TBC1D16: variants seen among roughly 807,000 people sequenced by gnomAD.
The protein encoded by TBC1D16 is TBC1 domain family member 16.
TBC1D16 carries 58 observed loss-of-function variants against 74.7 expected under a neutral mutation model. The ratio of observed to expected loss-of-function variants is 0.78; its 90% CI spans 0.63 to 0.97. The LOEUF is 0.97. Among genes scored for constraint, TBC1D16 ranks in the 50% least tolerant of loss-of-function variants. TBC1D16 has a pLI of 0.00. For missense variants in TBC1D16, 1,014 were observed against 1,079.5 expected (o/e 0.94, Z 0.85); for synonymous variants, 493 against 474.7 (o/e 1.04, Z -0.50).
At chr17:79,972,230 G>A (rs1455066179) in intron 3 of TBC1D16, among the ~76,000 whole-genome samples, 1 of 152,156 alleles carries the variant, frequency 6.6e-6, no homozygotes, top group Non-Finnish European at 1.5e-5. Flanking sequence ...AGGCTGGAGT[G>A]CAGTGGCTCA....
At chr17:79,991,576 T>G (rs1342153235) in intron 3 of TBC1D16, among the ~76,000 whole-genome samples, 1 of 151,916 alleles carries the variant, frequency 6.6e-6, no homozygotes, top group Non-Finnish European at 1.5e-5. Context: ...TGCAGGCACT[T>G]GCGAGTTAAT....
In TBC1D16 at chr17:80,010,126, T is replaced by A; in HGVS notation, c.779+34A>T. 1 of 1,555,764 alleles carries A rather than the reference T, an allele frequency of 6.4e-7. No individual in the cohort carries two copies. The highest frequency in any genetic ancestry group is 8.7e-7 in the Non-Finnish European group (1 of 1,146,260). ...CTGCCCAGGTCAGGCCTTGGGGGCCTCCCGAGAGCCCACGCCCAGAACCAG... is the reference window on the plus strand; with the variant it reads ...CTGCCCAGGTCAGGCCTTGGGGGCCACCCGAGAGCCCACGCCCAGAACCAG... On this transcript the variant is annotated intron_variant, in intron 3 of 11. Transcript: ENST00000310924. The surrounding 1 kb of genome is among the most constrained non-coding windows in gnomAD (Gnocchi z 8.8).
At chr17:79,949,613 C>A (rs1026307282) in intron 7 of TBC1D16, 104 bp downstream of exon 7, 4 of 1,407,926 alleles carry the variant, frequency 2.8e-6, no homozygotes, top group Non-Finnish European at 3.9e-6. Context: ...AACTATGGGT[C>A]ACGAAACATA....
intron 3 of TBC1D16, among the ~76,000 whole-genome samples, chr17:79,958,861 A>G (rs928279583): frequency 4.6e-5 from 7 of 152,090 alleles, no homozygotes; most frequent in African/African-American, 1.7e-4. Flanking sequence ...TGCTCCCACC[A>G]CTTCTAGTCC....
At chr17:80,029,154 C>A (rs764221321) in intron 1 of TBC1D16, among the ~76,000 whole-genome samples, 9 of 152,176 alleles carry the variant, frequency 5.9e-5, no homozygotes, top group Non-Finnish European at 1.2e-4. Context: ...AGTCGCAGCA[C>A]CTGCAGCTGG....
rs2031503449 is a variant in TBC1D16, at chr17:79,935,154, GCTCAATAAAATA to G, written c.*5693_*5704del. The G allele has an allele frequency of 6.6e-6, 1 of 152,290 alleles. No individual in the cohort carries two copies. Among genetic ancestry groups the G allele is most frequent in the Non-Finnish European group, 1.5e-5 (1 of 68,058 alleles). 9.4% of individuals were successfully genotyped at this position (152,290 alleles called of 1,614,324 possible). On this transcript the variant is annotated 3_prime_UTR_variant, in exon 12 of 12. Transcript: ENST00000310924. ...TGAAACCAGAGCCCCGGCAGCCAAG[GCTCAATAAAATA>G]CTGTTTGTGTTTCCAGGCACTGGGG... is the stretch of plus-strand genomic sequence containing the variant.
intron 3 of TBC1D16, among the ~76,000 whole-genome samples, chr17:79,998,125 C>CAAAAAAAAAAAAAAA (rs901486919): frequency 5.8e-5 from 3 of 51,882 alleles, no homozygotes; most frequent in Non-Finnish European, 8.9e-5. Flanking sequence ...AACTCTGTCT[C>CAAAAAAAAAAAAAAA]AAAAAAAAAA....
chr17:79,960,778 C>A (rs149127315), intron 3 of TBC1D16, among the ~76,000 whole-genome samples: 6 of 23,114 alleles, frequency 2.6e-4, no homozygotes, highest in Non-Finnish European at 4.2e-4. Flanking sequence ...AAACAAAAAC[C>A]CAAAAAAAAA....
intron 6 of TBC1D16, 93 bp from the exon 7 acceptor site, chr17:79,949,958 G>A: frequency 6.9e-7 from 1 of 1,454,090 alleles, no homozygotes; most frequent in South Asian, 1.3e-5. Context: ...GTGGTTTTTG[G>A]TGCGCCTTGA....
chr17:80,010,860 T>A lies in TBC1D16; in HGVS notation c.182-103A>T. ...GCTCGGAGAGGCCACTGCCCTTTAG[T>A]AAAGTGCCAGTCCGGCCTCAGATAC... On this transcript the variant is annotated intron_variant, in intron 2 of 11. Transcript: ENST00000310924. The surrounding 1 kb of genome is among the most constrained non-coding windows in gnomAD (Gnocchi z 8.8). 1 of 803,770 alleles carries A rather than the reference T, an allele frequency of 1.2e-6. No homozygotes were observed. The highest frequency in any genetic ancestry group is 1.8e-6 in the Non-Finnish European group (1 of 548,020). 49.8% of individuals were successfully genotyped at this position (803,770 alleles called of 1,614,324 possible). A position where few individuals can be genotyped will look rare whatever the true frequency, so the allele number is the denominator to read the frequency against.
intron 3 of TBC1D16, among the ~76,000 whole-genome samples, chr17:79,976,433 G>C (rs1208797250): frequency 6.6e-6 from 1 of 152,238 alleles, no homozygotes; most frequent in Non-Finnish European, 1.5e-5. Flanking sequence ...AGAGGATGGA[G>C]GAAGGCTAGA....
intron 7 of TBC1D16, among the ~76,000 whole-genome samples, 194 bp downstream of exon 7, chr17:79,949,523 C>T (rs757787440): frequency 2.0e-5 from 3 of 152,222 alleles, no homozygotes; most frequent in Non-Finnish European, 4.4e-5. Context: ...CCCGCAGCTC[C>T]GAGGCCCGAG....
At chr17:79,953,280 G>A (rs1446800698) in intron 3 of TBC1D16, among the ~76,000 whole-genome samples, 2 of 152,210 alleles carry the variant, frequency 1.3e-5, no homozygotes, top group Non-Finnish European at 2.9e-5. Context: ...GCTTCCGCGT[G>A]GTTTAAACCA....
At chr17:79,955,862 A>G (rs2033310499) in intron 3 of TBC1D16, among the ~76,000 whole-genome samples, 1 of 152,212 alleles carries the variant, frequency 6.6e-6, no homozygotes, top group African/African-American at 2.4e-5. Context: ...AGATACAGAG[A>G]TAGAGATTTA....
In TBC1D16 at chr17:79,940,666, G is replaced by T; in HGVS notation, c.*193C>A. On this transcript the variant is annotated 3_prime_UTR_variant, in exon 12 of 12. Coordinates refer to ENST00000310924, the MANE Select transcript of TBC1D16 (RefSeq NM_019020.4). This position sits in a 1 kb window ranked among gnomAD's most constrained non-coding sequence, Gnocchi z 5.4. ...GGAGCTGACTTTCCTCTGGGTGGCT[G>T]TAGATCTGACTTCTGTCACTTCCAG... 1 of 636,712 alleles carries T rather than the reference G, an allele frequency of 1.6e-6. No individual in the cohort carries two copies. Among genetic ancestry groups the T allele is most frequent in the Non-Finnish European group, 2.4e-6 (1 of 425,102 alleles). The allele number at this position is 636,712 out of a possible 1,614,324, so 39.4% of individuals were successfully genotyped here. A position where few individuals can be genotyped will look rare whatever the true frequency, so the allele number is the denominator to read the frequency against.
At chr17:79,998,988 G>C (rs1243977323) in intron 3 of TBC1D16, among the ~76,000 whole-genome samples, 4 of 152,164 alleles carry the variant, frequency 2.6e-5, no homozygotes, top group African/African-American at 9.7e-5. Flanking sequence ...GGGCGCGGTG[G>C]CTCACGCCTG....
intron 3 of TBC1D16, among the ~76,000 whole-genome samples, chr17:80,005,959 A>G (rs9898761): frequency 0.32 from 49,055 of 152,034 alleles, 8,238 homozygotes; most frequent in African/African-American, 0.38. Flanking sequence ...CGCAGCCTGC[A>G]CATGCAGTTC....
intron 3 of TBC1D16, among the ~76,000 whole-genome samples, chr17:79,963,738 A>T (rs1250772435): frequency 2.0e-5 from 3 of 151,922 alleles, no homozygotes; most frequent in Admixed American, 6.6e-5. Context: ...CCTCACCGAC[A>T]CTTGTTAGTT....
chr17:80,031,707 G>T (rs764890393), intron 1 of TBC1D16, among the ~76,000 whole-genome samples: 1 of 152,166 alleles, frequency 6.6e-6, no homozygotes, highest in African/African-American at 2.4e-5. Context: ...AGGAGGTCAG[G>T]CCTGGGAGAA....
Sources: allele counts gnomAD v4.1 joint callset (sites outside exome capture counted in the v4.1 genomes callset), GRCh38; gene constraint gnomAD v4.1.1; non-coding constraint Gnocchi (gnomAD v3.1); transcripts MANE v1.5; gene names NCBI Gene and HGNC (gene_info 2026-07-23, HGNC 2026-07-21).